The following SRGAP1 variants were observed in gnomAD, a reference collection of about 807,000 sequenced individuals.
SRGAP1 encodes SLIT-ROBO Rho GTPase activating protein 1, also known as SLIT-ROBO Rho GTPase-activating protein 1.
Under a neutral mutation model 121.9 loss-of-function variants are expected in SRGAP1, and 43 were observed. The observed-to-expected ratio is 0.35, with a 90% CI of 0.28 to 0.46. SRGAP1 has a LOEUF of 0.46. SRGAP1 is among the 20% of genes least tolerant of loss of function. The pLI, the probability that SRGAP1 is intolerant of heterozygous loss-of-function variation, is 1.00. For missense variants in SRGAP1, 1,102 were observed against 1,350.9 expected (o/e 0.82, Z 2.89); for synonymous variants, 447 against 485.4 (o/e 0.92, Z 1.04).
intron 6 of SRGAP1, among the ~76,000 whole-genome samples, chr12:64,049,934 T>TTC (rs2035207395): frequency 6.6e-6 from 1 of 152,156 alleles, no homozygotes; most frequent in Non-Finnish European, 1.5e-5. Context: ...TAAAGAGTAT[T>TTC]ATTGGTATTT....
intron 15 of SRGAP1, among the ~76,000 whole-genome samples, chr12:64,102,705 A>G (rs181380445): frequency 7.9e-5 from 12 of 152,284 alleles, no homozygotes; most frequent in African/African-American, 2.6e-4. Flanking sequence ...ACTTAGCATA[A>G]TGTTTTCAAG....
chr12:64,086,423 C>T (rs1291419407), intron 10 of SRGAP1, among the ~76,000 whole-genome samples: 11 of 152,168 alleles, frequency 7.2e-5, no homozygotes, highest in Admixed American at 6.5e-4. Flanking sequence ...AGGCTTTTAG[C>T]TTACAAGTTG....
At chr12:63,966,142 T>C (rs1326859502) in intron 1 of SRGAP1, among the ~76,000 whole-genome samples, 1 of 152,170 alleles carries the variant, frequency 6.6e-6, no homozygotes, top group Non-Finnish European at 1.5e-5. Context: ...TTCATAGGCA[T>C]AATCACTACC....
Position 64,098,328 on chromosome 12 carries a change from CT to C in SRGAP1, c.1813+954del, listed in dbSNP as rs2036198323. Among the ~76,000 whole-genome samples the C allele has an allele frequency of 3.3e-5, 5 of 151,746 alleles. No homozygotes were observed. The South Asian group carries it at 1.0e-3, about 32-fold the overall frequency. On this transcript the variant is annotated intron_variant, in intron 15 of 21. Coordinates refer to ENST00000355086, the MANE Select transcript of SRGAP1 (RefSeq NM_020762.4). ...GCCTTCTTTTCCCAACCCCTACCCC[CT>C]GGCCCTGCATTCTCACACTGCAGCT...
intron 4 of SRGAP1, among the ~76,000 whole-genome samples, chr12:64,025,390 AT>A (rs1424081994): frequency 5.9e-5 from 9 of 152,094 alleles, no homozygotes; most frequent in Non-Finnish European, 1.3e-4. Context: ...ATATCGGAAG[AT>A]TTTTCTCTGA....
chr12:64,097,664 G>A (rs1013345700), intron 15 of SRGAP1: 3 of 275,980 alleles, frequency 1.1e-5, no homozygotes, highest in Non-Finnish European at 2.0e-5. Flanking sequence ...GCTGCCTAAG[G>A]GAAAGGAGGA....
In SRGAP1 at chr12:64,147,961, ATT is replaced by A; in HGVS notation, c.*5295_*5296del. The A allele has an allele frequency of 3.6e-6, 1 of 279,418 alleles. No individual in the cohort carries two copies. The highest frequency in any genetic ancestry group is 5.2e-5 in the Admixed American group (1 of 19,052). 17.3% of individuals were successfully genotyped at this position (279,418 alleles called of 1,614,324 possible). A position where few individuals can be genotyped will look rare whatever the true frequency, so the allele number is the denominator to read the frequency against. ...AATGTGAAACTTTTACCTTTAAAATATTTTTTTATCTCACTTTCATTTCTTGT... is the reference window on the plus strand; with the variant it reads ...AATGTGAAACTTTTACCTTTAAAATATTTTTATCTCACTTTCATTTCTTGT... On this transcript the variant is annotated 3_prime_UTR_variant, in exon 22 of 22. Transcript: ENST00000355086.
chr12:63,861,487 C>T (rs1273618402), intron 1 of SRGAP1, among the ~76,000 whole-genome samples: 1 of 151,742 alleles, frequency 6.6e-6, no homozygotes, highest in African/African-American at 2.4e-5. Context: ...TCAGTAGAGA[C>T]AGGGTTTCAC....
chr12:64,059,051 G>A (rs537084428), intron 6 of SRGAP1, among the ~76,000 whole-genome samples: 9 of 151,992 alleles, frequency 5.9e-5, no homozygotes, highest in Non-Finnish European at 1.0e-4. Flanking sequence ...GCCTCCTAAG[G>A]GTAGCACTCA....
intron 1 of SRGAP1, among the ~76,000 whole-genome samples, chr12:63,921,123 C>G (rs941808576): frequency 6.6e-6 from 1 of 152,272 alleles, no homozygotes; most frequent in East Asian, 1.9e-4. Flanking sequence ...CCTAGCTTGT[C>G]ACCAGTACCA....
chr12:63,880,911 C>A (rs1270813933), intron 1 of SRGAP1, among the ~76,000 whole-genome samples: 18 of 152,200 alleles, frequency 1.2e-4, no homozygotes, highest in African/African-American at 4.1e-4. Flanking sequence ...TTCCAGGCGT[C>A]TCACCAGCCT....
intron 4 of SRGAP1, among the ~76,000 whole-genome samples, chr12:64,025,667 A>C (rs1012524417): frequency 6.6e-6 from 1 of 152,102 alleles, no homozygotes; most frequent in Non-Finnish European, 1.5e-5. Flanking sequence ...AACTTTTTTA[A>C]AAACACTCTA....
At position 64,148,708 on chromosome 12, in the gene SRGAP1, TGAC is replaced by T. The variant is rs1286153045; in HGVS notation, c.*6037_*6039del. ...TTGATAAGATATAAAGTTTAAAAAA[TGAC>T]AGGCAAATCAAGGAAAAACACTTTT... On this transcript the variant is annotated 3_prime_UTR_variant, in exon 22 of 22. Coordinates refer to ENST00000355086, the MANE Select transcript of SRGAP1 (RefSeq NM_020762.4). The T allele has an allele frequency of 2.6e-5, 4 of 152,210 alleles. No individual in the cohort carries two copies. Among genetic ancestry groups the T allele is most frequent in the African/African-American group, 7.2e-5 (3 of 41,456 alleles). 9.4% of individuals were successfully genotyped at this position (152,210 alleles called of 1,614,324 possible).
intron 1 of SRGAP1, among the ~76,000 whole-genome samples, chr12:63,946,521 T>G (rs2032052851): frequency 6.6e-6 from 1 of 150,802 alleles, no homozygotes; most frequent in Non-Finnish European, 1.5e-5. Context: ...TGCTGGTTAG[T>G]TTGTATTTTC....
intron 1 of SRGAP1, among the ~76,000 whole-genome samples, chr12:63,864,992 A>G (rs1899575063): frequency 6.6e-6 from 1 of 152,184 alleles, no homozygotes; most frequent in Non-Finnish European, 1.5e-5. Context: ...TCCCCTTTCC[A>G]AAGATAACTA....
intron 1 of SRGAP1, among the ~76,000 whole-genome samples, chr12:63,971,097 C>T (rs1381873743): frequency 6.6e-6 from 1 of 152,180 alleles, no homozygotes; most frequent in African/African-American, 2.4e-5. Context: ...TCCATAGTAC[C>T]CTTTCGGAGC....
At chr12:64,086,448 C>T (rs2035940598) in intron 10 of SRGAP1, among the ~76,000 whole-genome samples, 1 of 152,142 alleles carries the variant, frequency 6.6e-6, no homozygotes, top group Admixed American at 6.5e-5. Context: ...AATGTAGTAT[C>T]ATTTAATGTC....
At chr12:63,992,102 A>G (rs2033570244) in intron 3 of SRGAP1, among the ~76,000 whole-genome samples, 1 of 152,320 alleles carries the variant, frequency 6.6e-6, no homozygotes, top group South Asian at 2.1e-4. Context: ...GTTCAGGGAA[A>G]GGAAAGAGTT....
rs1445785037 is a variant in SRGAP1 at position 64,151,773 on chromosome 12, C to T, written c.*9101C>T. 1 of 152,204 alleles carries T rather than the reference C, an allele frequency of 6.6e-6. No homozygotes were observed. Among genetic ancestry groups the T allele is most frequent in the African/African-American group, 2.4e-5 (1 of 41,434 alleles). The allele number at this position is 152,204 out of a possible 1,614,324, so 9.4% of individuals were successfully genotyped here. ...ATTTCACTCACCTCTGTGTCCTAAA[C>T]TTCAGATGACTCTTTATTGTTTCAG... On this transcript the variant is annotated 3_prime_UTR_variant, in exon 22 of 22. Transcript: ENST00000355086.
Sources: allele counts gnomAD v4.1 joint callset (sites outside exome capture counted in the v4.1 genomes callset), GRCh38; gene constraint gnomAD v4.1.1; transcripts MANE v1.5; gene names NCBI Gene and HGNC (gene_info 2026-07-23, HGNC 2026-07-21).